MCTP1: variants seen among roughly 807,000 people sequenced by gnomAD.
MCTP1 encodes multiple C2 and transmembrane domain-containing protein 1.
Under a neutral mutation model 120.6 loss-of-function variants are expected in MCTP1, and 69 were observed. The observed-to-expected ratio is 0.57, with a 90% CI of 0.47 to 0.70. The LOEUF (loss-of-function observed/expected upper bound fraction) is 0.70, where lower values mean the gene tolerates loss of function less well. Among genes scored for constraint, MCTP1 ranks in the 30% least tolerant of loss-of-function variants. The pLI is 0.00. For synonymous variants in MCTP1, 529 were observed against 493.1 expected (o/e 1.07, Z -0.96); for missense variants, 1,203 against 1,248.8 (o/e 0.96, Z 0.55).
intron 1 of MCTP1, among the ~76,000 whole-genome samples, chr5:95,177,009 C>T (rs1434923841): frequency 1.1e-4 from 17 of 151,476 alleles, no homozygotes; most frequent in African/African-American, 1.5e-4. Flanking sequence ...GGACTACAGG[C>T]GCCCGCCACC....
chr5:95,109,080 G>T (rs2152385196), intron 1 of MCTP1, among the ~76,000 whole-genome samples: 1 of 152,284 alleles, frequency 6.6e-6, no homozygotes, highest in African/African-American at 2.4e-5. Flanking sequence ...TTTACCAAGA[G>T]TCTAGACTAA....
chr5:94,715,053 TGAG>T (rs1420508589), intron 19 of MCTP1, among the ~76,000 whole-genome samples, 167 bp from the exon 20 acceptor site: 3 of 151,890 alleles, frequency 2.0e-5, no homozygotes, highest in Non-Finnish European at 2.9e-5. Flanking sequence ...TAAAGGAAGA[TGAG>T]GAGGAAGGGG....
At chr5:95,169,481 C>T (rs1342266144) in intron 1 of MCTP1, among the ~76,000 whole-genome samples, 1 of 152,120 alleles carries the variant, frequency 6.6e-6, no homozygotes, top group Non-Finnish European at 1.5e-5. Context: ...GTACCAGCTC[C>T]TCCTTGTACC....
At chr5:94,984,035 C>T (rs1177099219) in intron 2 of MCTP1, among the ~76,000 whole-genome samples, 1 of 152,178 alleles carries the variant, frequency 6.6e-6, no homozygotes, top group Non-Finnish European at 1.5e-5. Context: ...ATATCTGCTT[C>T]ATCAGCACTC....
intron 6 of MCTP1, among the ~76,000 whole-genome samples, chr5:94,930,145 G>T (rs561559382): frequency 9.9e-4 from 147 of 148,680 alleles, no homozygotes; most frequent in African/African-American, 3.4e-3. Context: ...GAGGATAGAT[G>T]TTTATTATTC....
chr5:95,199,348 G>A (rs1439953998), intron 1 of MCTP1, among the ~76,000 whole-genome samples: 1 of 151,944 alleles, frequency 6.6e-6, no homozygotes, highest in Non-Finnish European at 1.5e-5. Flanking sequence ...ATATGATAAA[G>A]GCTTAATATC....
At chr5:94,830,523 C>CAATT (rs1247254357) in intron 17 of MCTP1, among the ~76,000 whole-genome samples, 4 of 152,180 alleles carry the variant, frequency 2.6e-5, no homozygotes, top group African/African-American at 9.7e-5. Flanking sequence ...AGGTGTCTAT[C>CAATT]AATTTACCAG....
chr5:94,775,280 T>G (rs1775044222), intron 19 of MCTP1, among the ~76,000 whole-genome samples: 1 of 152,234 alleles, frequency 6.6e-6, no homozygotes. Context: ...TTCTGCTTCC[T>G]GATATCGCAG....
At chr5:94,943,667 G>C (rs1371054920) in intron 3 of MCTP1, among the ~76,000 whole-genome samples, 1 of 152,018 alleles carries the variant, frequency 6.6e-6, no homozygotes, top group East Asian at 1.9e-4. Context: ...CGTTAAACAA[G>C]GAAGCACATA....
intron 1 of MCTP1, among the ~76,000 whole-genome samples, chr5:95,088,189 A>G (rs1755576968): frequency 6.6e-6 from 1 of 152,242 alleles, no homozygotes; most frequent in South Asian, 2.1e-4. Flanking sequence ...GCTTTGGGCC[A>G]GACCACAGAC....
chr5:95,192,922 A>C (rs1749984424), intron 1 of MCTP1, among the ~76,000 whole-genome samples: 2 of 152,100 alleles, frequency 1.3e-5, no homozygotes, highest in Non-Finnish European at 2.9e-5. Flanking sequence ...TCTGACAGTA[A>C]AGGTAGGCTA....
At chr5:94,824,660 C>T (rs1325480276) in intron 17 of MCTP1, among the ~76,000 whole-genome samples, 8 of 152,146 alleles carry the variant, frequency 5.3e-5, no homozygotes, top group African/African-American at 1.9e-4. Flanking sequence ...GTGAATCCAT[C>T]TGGTCATGGG....
intron 12 of MCTP1, chr5:94,877,813 ATGATATTC>A (rs1242572890): frequency 6.6e-6 from 1 of 152,160 alleles, no homozygotes; most frequent in Non-Finnish European, 1.5e-5. Context: ...AAGATACTGA[ATGATATTC>A]TTGCTCCCGG....
intron 2 of MCTP1, among the ~76,000 whole-genome samples, chr5:94,961,922 C>T (rs1816583): frequency 0.34 from 51,651 of 151,978 alleles, 9,075 homozygotes; most frequent in Middle Eastern, 0.43. Flanking sequence ...TGTTTGTGCT[C>T]ATTGTAGATT....
At chr5:95,168,083 A>G (rs1315895146) in intron 1 of MCTP1, among the ~76,000 whole-genome samples, 1 of 152,020 alleles carries the variant, frequency 6.6e-6, no homozygotes, top group Non-Finnish European at 1.5e-5. Context: ...TAAGGTGTAA[A>G]GAAGGGATCC....
rs1034434716 is a variant in MCTP1 at position 95,007,421 on chromosome 5, G to T, written c.838+9946C>A. On this transcript the variant is annotated intron_variant, in intron 2 of 22. Transcript: ENST00000515393. ...CTGCTCGTATGACCAATTTTGTTAG[G>T]ATCAGAGAATATATATGCAAATGCC... Among the ~76,000 whole-genome samples, 7 of 152,234 alleles carry T rather than the reference G, an allele frequency of 4.6e-5. No homozygotes were observed. In the South Asian group the frequency reaches 6.2e-4, roughly 14 times the overall value.
chr5:95,026,863 T>C (rs1355045082), intron 1 of MCTP1, among the ~76,000 whole-genome samples: 1 of 152,220 alleles, frequency 6.6e-6, no homozygotes, highest in East Asian at 1.9e-4. Context: ...ATATTCAATT[T>C]TCGACTTTTA....
chr5:94,836,694 G>C (rs1490766568), intron 17 of MCTP1, among the ~76,000 whole-genome samples: 1 of 152,188 alleles, frequency 6.6e-6, no homozygotes, highest in African/African-American at 2.4e-5. Context: ...GTCCTAAGCA[G>C]AACCTTAGTT....
At chr5:95,213,582 C>T (rs1386786943) in intron 1 of MCTP1, among the ~76,000 whole-genome samples, 1 of 151,854 alleles carries the variant, frequency 6.6e-6, no homozygotes, top group East Asian at 1.9e-4. Flanking sequence ...AAGAACAAAG[C>T]TGGAGGCATC....
Sources: allele counts gnomAD v4.1 joint callset (sites outside exome capture counted in the v4.1 genomes callset), GRCh38; gene constraint gnomAD v4.1.1; transcripts MANE v1.5; gene names NCBI Gene and HGNC (gene_info 2026-07-23, HGNC 2026-07-21).